The following KCNJ3 variants were observed in gnomAD, a reference collection of about 807,000 sequenced individuals.
KCNJ3 encodes potassium inwardly rectifying channel subfamily J member 3.
In KCNJ3, 4 loss-of-function variants were observed where a neutral mutation model predicts 39.2. The observed-to-expected ratio is 0.10, with a 90% CI of 0.05 to 0.23. KCNJ3 has a LOEUF of 0.23. KCNJ3 is among the 10% of genes least tolerant of loss of function. The pLI is 1.00. For missense variants in KCNJ3, 276 were observed against 634.9 expected (o/e 0.43, Z 6.08); for synonymous variants, 230 against 237.4 (o/e 0.97, Z 0.29).
chr2:154,703,477 A>ATGTGTG (rs755564498), intron 1 of KCNJ3, among the ~76,000 whole-genome samples: 12 of 136,560 alleles, frequency 8.8e-5, no homozygotes, highest in Admixed American at 2.8e-4. Context: ...TCCTCCATAT[A>ATGTGTG]TATGTGTGTG....
At chr2:154,808,813 G>A (rs899658422) in intron 2 of KCNJ3, among the ~76,000 whole-genome samples, 2 of 152,176 alleles carry the variant, frequency 1.3e-5, no homozygotes, top group Non-Finnish European at 2.9e-5. Flanking sequence ...TTACTAAAGT[G>A]TATGGATCAG....
At chr2:154,780,484 C>T (rs756911855) in intron 2 of KCNJ3, among the ~76,000 whole-genome samples, 21 of 151,902 alleles carry the variant, frequency 1.4e-4, no homozygotes, top group Non-Finnish European at 2.6e-4. Flanking sequence ...GAAAGGAAAC[C>T]ACTGGTAACA....
intron 2 of KCNJ3, among the ~76,000 whole-genome samples, chr2:154,765,093 G>A (rs951460682): frequency 2.6e-5 from 4 of 152,158 alleles, no homozygotes; most frequent in African/African-American, 9.7e-5. Context: ...ATGCATTTTA[G>A]GTGTTTAGCA....
chr2:154,785,781 A>G (rs533974676), intron 2 of KCNJ3, among the ~76,000 whole-genome samples: 1 of 152,268 alleles, frequency 6.6e-6, no homozygotes, highest in South Asian at 2.1e-4. Flanking sequence ...TGTGCATTCA[A>G]ATTTCCCCTT....
At chr2:154,806,248 C>T (rs562282060) in intron 2 of KCNJ3, among the ~76,000 whole-genome samples, 4 of 152,238 alleles carry the variant, frequency 2.6e-5, no homozygotes, top group Admixed American at 2.0e-4. Context: ...TGTTATTACT[C>T]ATGACACAGT....
intron 2 of KCNJ3, among the ~76,000 whole-genome samples, chr2:154,721,959 A>G (rs1307752187): frequency 6.6e-6 from 1 of 152,152 alleles, no homozygotes; most frequent in Non-Finnish European, 1.5e-5. Flanking sequence ...ACTTTAAAAT[A>G]ATTTATAATG....
At chr2:154,764,119 A>G in intron 2 of KCNJ3, among the ~76,000 whole-genome samples, 1 of 152,196 alleles carries the variant, frequency 6.6e-6, no homozygotes, top group East Asian at 1.9e-4. Flanking sequence ...AGCTTACTAC[A>G]TGATTGAATT....
Position 154,698,697 on chromosome 2 carries a change from C to CCCCCTATTGGTGCTAGTT in KCNJ3, c.-79_-78insCCCCTATTGGTGCTAGTT. 1.4e-6 allele frequency: 1 copy of CCCCCTATTGGTGCTAGTT among 703,350 alleles called. No homozygotes were observed. The highest frequency in any genetic ancestry group is 2.3e-6 in the Non-Finnish European group (1 of 430,836). 43.6% of individuals were successfully genotyped at this position (703,350 alleles called of 1,614,324 possible). On this transcript the variant is annotated 5_prime_UTR_variant, in exon 1 of 3. Transcript: ENST00000295101. The stretch of plus-strand genomic sequence containing the variant: ...GCCCCCTTTCCTCCCCCGCCCCCAC[C>CCCCCTATTGGTGCTAGTT]TCCTTATTGGTGCTAGTTTGCAGCG...
At chr2:154,717,261 C>T (rs1685197338) in intron 2 of KCNJ3, among the ~76,000 whole-genome samples, 1 of 152,130 alleles carries the variant, frequency 6.6e-6, no homozygotes, top group South Asian at 2.1e-4. Context: ...TCTAGGGGAA[C>T]TGACTGGAGA....
At chr2:154,802,157 A>G (rs542517846) in intron 2 of KCNJ3, among the ~76,000 whole-genome samples, 1 of 148,856 alleles carries the variant, frequency 6.7e-6, no homozygotes, top group Non-Finnish European at 1.5e-5. Flanking sequence ...CCATTATGTA[A>G]TTTTTTTTTA....
chr2:154,710,188 T>C (rs1685078318), intron 2 of KCNJ3, among the ~76,000 whole-genome samples: 1 of 152,136 alleles, frequency 6.6e-6, no homozygotes, highest in African/African-American at 2.4e-5. Flanking sequence ...GAAATCAGCA[T>C]GCATATTCTG....
rs540295477 is a variant in KCNJ3, at chr2:154,756,528, A to G, written c.919+46709A>G. On this transcript the variant is annotated intron_variant, in intron 2 of 2. Coordinates refer to ENST00000295101, the MANE Select transcript of KCNJ3 (RefSeq NM_002239.4). The stretch of plus-strand genomic sequence containing the variant: ...AATGCTATCCCTCCCCTAGACCCCC[A>G]CCCCCTGACAGGCCCTGATGTGTGA... 4.6e-5 allele frequency among the ~76,000 whole-genome samples: 6 copies of G among 130,734 alleles called. No homozygotes were observed. In the East Asian group the frequency reaches 1.2e-3, roughly 26 times the overall value. The allele number at this position is 130,734 out of a possible 152,430, so 85.8% of individuals were successfully genotyped here.
chr2:154,771,249 A>G (rs1435717031), intron 2 of KCNJ3, among the ~76,000 whole-genome samples: 1 of 152,168 alleles, frequency 6.6e-6, no homozygotes, highest in Non-Finnish European at 1.5e-5. Flanking sequence ...GAGGAAGGGG[A>G]AAAAAGCTAT....
intron 2 of KCNJ3, among the ~76,000 whole-genome samples, chr2:154,753,963 A>G (rs996512790): frequency 2.6e-5 from 4 of 152,196 alleles, no homozygotes; most frequent in African/African-American, 7.2e-5. Flanking sequence ...CAATTATCAA[A>G]AACAGAAAAT....
At chr2:154,795,140 C>T (rs890665385) in intron 2 of KCNJ3, among the ~76,000 whole-genome samples, 26 of 151,998 alleles carry the variant, frequency 1.7e-4, no homozygotes, top group Non-Finnish European at 2.8e-4. Flanking sequence ...CTGGATTGAA[C>T]CTCCACCTTT....
In KCNJ3 at chr2:154,854,868, C is replaced by T. The variant is rs1687811267; in HGVS notation, c.1061C>T (p.Pro354Leu). 6.2e-7 allele frequency: 1 copy of T among 1,613,834 alleles called. No homozygotes were observed. The highest frequency in any genetic ancestry group is 8.5e-7 in the Non-Finnish European group (1 of 1,179,950). ...CATGCAACATTTGAAGTCCCCACCCCACCTTACAGTGTGAAAGAGCAGGAG... is the reference window on the plus strand; with the variant it reads ...CATGCAACATTTGAAGTCCCCACCCTACCTTACAGTGTGAAAGAGCAGGAG... ...QFHATFEVPT[P>L]PYSVKEQEEM... is the part of the protein sequence containing the mutation. Residue 354 changes from proline (P) to leucine (L), a missense_variant, in exon 3 of 3, where the codon CCA (proline) becomes CTA (leucine). Around this residue, in one of 4 missense-constraint regions of KCNJ3, gnomAD observed 126 missense variants for 179.8 expected, o/e 0.70. Coordinates refer to ENST00000295101, the MANE Select transcript of KCNJ3 (RefSeq NM_002239.4).
intron 2 of KCNJ3, among the ~76,000 whole-genome samples, chr2:154,834,712 G>A (rs1006163755): frequency 1.3e-4 from 20 of 151,876 alleles, no homozygotes; most frequent in African/African-American, 4.6e-4. Flanking sequence ...GGGTGACAGA[G>A]CGAGACTCCA....
At chr2:154,736,374 TAAAAAAAAAAAA>T (rs70983745) in intron 2 of KCNJ3, among the ~76,000 whole-genome samples, 12 of 93,226 alleles carry the variant, frequency 1.3e-4, no homozygotes, top group East Asian at 8.3e-4. Flanking sequence ...TCACTAGTTC[TAAAAAAAAAAAA>T]AAAAAAAAAA....
In KCNJ3 at chr2:154,753,804, T is replaced by C. The variant is rs377734472; in HGVS notation, c.919+43985T>C. 3.1e-3 allele frequency among the ~76,000 whole-genome samples: 475 copies of C among 152,298 alleles called. 8 individuals carry two copies. The highest frequency in any genetic ancestry group is 0.011 in the African/African-American group (451 of 41,586). On this transcript the variant is annotated intron_variant, in intron 2 of 2. Coordinates refer to ENST00000295101, the MANE Select transcript of KCNJ3 (RefSeq NM_002239.4). ...TTGCTTCTGTTGTTTAATACATAGA[T>C]TTGTTCATTTATTCAAGAAATTTGT...
Sources: allele counts gnomAD v4.1 joint callset (sites outside exome capture counted in the v4.1 genomes callset), GRCh38; gene constraint gnomAD v4.1.1; regional missense constraint gnomAD v4.1.1; transcripts MANE v1.5; gene names NCBI Gene and HGNC (gene_info 2026-07-23, HGNC 2026-07-21).